TXLNB: variants seen among roughly 807,000 people sequenced by gnomAD.
TXLNB encodes taxilin beta.
A neutral mutation model predicts 57.4 loss-of-function variants in TXLNB; 37 were observed. That is an observed-to-expected ratio of 0.64 (90% CI 0.50 to 0.85). The LOEUF (loss-of-function observed/expected upper bound fraction) is 0.85, where lower values mean the gene tolerates loss of function less well. Among genes scored for constraint, TXLNB ranks in the 40% least tolerant of loss-of-function variants. TXLNB has a pLI of 0.00. For missense variants in TXLNB, 848 were observed against 825.6 expected (o/e 1.03, Z -0.33); for synonymous variants, 302 against 309.6 (o/e 0.98, Z 0.26).
At chr6:139,214,711 A>G in the TXLNB span, among the ~76,000 whole-genome samples, 36 of 152,332 alleles carry the variant, frequency 2.4e-4, no homozygotes, top group African/African-American at 8.2e-4. Context: ...AGATGACACG[A>G]TTGTATATCT....
rs776682700 is a variant in TXLNB, at chr6:139,288,804, C to G, written c.96G>C (p.Lys32Asn). 2 of 1,614,200 alleles carry G rather than the reference C, an allele frequency of 1.2e-6. No individual in the cohort carries two copies. The highest frequency in any genetic ancestry group is 4.5e-5 in the East Asian group (2 of 44,894). ...SSLPSHNGLEKEDGQDSPTPV... is the reference protein window; with the variant it reads ...SSLPSHNGLENEDGQDSPTPV... ...GGGTTGGAGAATCCTGGCCATCTTC[C>G]TTCTCCAGGCCATTGTGACTGGGTA... Residue 32 changes from lysine (K) to asparagine (N), a missense_variant, in exon 2 of 10, where the codon AAG (lysine) becomes AAC (asparagine). Transcript: ENST00000358430.
At chr6:139,312,279 G>C in the TXLNB span, among the ~76,000 whole-genome samples, 2 of 151,980 alleles carry the variant, frequency 1.3e-5, no homozygotes, top group African/African-American at 4.8e-5. Context: ...CATTAGACTT[G>C]AGGAAAGGTA....
chr6:139,232,362 G>T, the TXLNB span, among the ~76,000 whole-genome samples: 1 of 152,180 alleles, frequency 6.6e-6, no homozygotes, highest in African/African-American at 2.4e-5. Context: ...CAACACTGGG[G>T]ATTATGGGGA....
downstream of TXLNB, among the ~76,000 whole-genome samples, chr6:139,236,790 G>A (rs139569978): frequency 1.2e-4 from 19 of 152,240 alleles, no homozygotes; most frequent in Non-Finnish European, 2.1e-4. Flanking sequence ...TTTTTATAGA[G>A]ATGGGATTTT....
At chr6:139,319,370 G>A in the TXLNB span, among the ~76,000 whole-genome samples, 1 of 151,358 alleles carries the variant, frequency 6.6e-6, no homozygotes, top group East Asian at 1.9e-4. Flanking sequence ...CAAGTTCTGG[G>A]ATTATAGGTG....
In TXLNB at chr6:139,240,648, G is replaced by A. The variant is rs1449724771; in HGVS notation, c.*1878C>T. The A allele has an allele frequency of 2.6e-5, 4 of 152,620 alleles. No homozygotes were observed. The highest frequency in any genetic ancestry group is 9.6e-5 in the African/African-American group (4 of 41,458). 9.5% of individuals were successfully genotyped at this position (152,620 alleles called of 1,614,324 possible). A position where few individuals can be genotyped will look rare whatever the true frequency, so the allele number is the denominator to read the frequency against. Reference sequence around the variant, plus strand: ...ACTTGCAGTAATGTTGAATTTGGCTGGATACCCTGTGGTTATAATATTTTA... The same window carrying A: ...ACTTGCAGTAATGTTGAATTTGGCTAGATACCCTGTGGTTATAATATTTTA... On this transcript the variant is annotated 3_prime_UTR_variant, in exon 10 of 10. Coordinates refer to ENST00000358430, the MANE Select transcript of TXLNB (RefSeq NM_153235.4).
the TXLNB span, among the ~76,000 whole-genome samples, chr6:139,300,130 A>C: frequency 6.6e-6 from 1 of 152,186 alleles, no homozygotes; most frequent in Middle Eastern, 3.4e-3. Flanking sequence ...AGCAATTCTC[A>C]GGAAGGGTCT....
the TXLNB span, chr6:139,167,473 G>A: frequency 8.8e-6 from 6 of 679,274 alleles, no homozygotes; most frequent in Admixed American, 3.2e-5. Flanking sequence ...TTTCAGCTTC[G>A]CCCAGTGACG....
At chr6:139,166,526 G>T in the TXLNB span, 1 of 1,614,138 alleles carries the variant, frequency 6.2e-7, no homozygotes, top group Admixed American at 1.7e-5. Context: ...CTACGACCTG[G>T]CCTTCCGCTT....
intron 7 of TXLNB, among the ~76,000 whole-genome samples, chr6:139,253,101 A>G (rs1040647773): frequency 9.9e-5 from 15 of 152,212 alleles, no homozygotes; most frequent in Non-Finnish European, 4.4e-5. Context: ...TACACTAATT[A>G]ATAGTCAAGC....
the TXLNB span, among the ~76,000 whole-genome samples, chr6:139,214,159 G>C: frequency 6.6e-6 from 1 of 152,086 alleles, no homozygotes; most frequent in Non-Finnish European, 1.5e-5. Context: ...ACCAAAGCCT[G>C]GCAGAGACAC....
intron 5 of TXLNB, among the ~76,000 whole-genome samples, chr6:139,261,109 A>G (rs529799455): frequency 9.9e-4 from 151 of 152,306 alleles, no homozygotes; most frequent in Non-Finnish European, 2.2e-4. Flanking sequence ...ACTCTACCTC[A>G]GGATGGATAA....
At chr6:139,210,824 A>G in the TXLNB span, among the ~76,000 whole-genome samples, 5 of 152,248 alleles carry the variant, frequency 3.3e-5, no homozygotes, top group African/African-American at 1.2e-4. Flanking sequence ...ACGGCACACC[A>G]GGAGATTATA....
At chr6:139,275,101 G>C (rs891918277) in intron 3 of TXLNB, among the ~76,000 whole-genome samples, 26 of 152,154 alleles carry the variant, frequency 1.7e-4, no homozygotes, top group African/African-American at 6.3e-4. Flanking sequence ...AAACCAGAAA[G>C]CACTCATCTT....
the TXLNB span, among the ~76,000 whole-genome samples, chr6:139,181,653 C>G: frequency 6.6e-6 from 1 of 152,112 alleles, no homozygotes; most frequent in African/African-American, 2.4e-5. Context: ...TAAACTTTAT[C>G]ATAGGTATGA....
At chr6:139,187,631 CT>C in the TXLNB span, among the ~76,000 whole-genome samples, 3 of 152,128 alleles carry the variant, frequency 2.0e-5, no homozygotes, top group Non-Finnish European at 4.4e-5. Context: ...ACCTGAGTAA[CT>C]TTTGGTAAGT....
In TXLNB at chr6:139,242,399, A is replaced by T; in HGVS notation, c.*127T>A. 1 of 736,554 alleles carries T rather than the reference A, an allele frequency of 1.4e-6. No individual in the cohort carries two copies. Among genetic ancestry groups the T allele is most frequent in the Non-Finnish European group, 2.0e-6 (1 of 512,682 alleles). The allele number at this position is 736,554 out of a possible 1,614,324, so 45.6% of individuals were successfully genotyped here. ...GAATGAATGTGTTCTGCCTAACATT[A>T]AAAAATGTCTTGATCCTAAGTCTCT... On this transcript the variant is annotated 3_prime_UTR_variant, in exon 10 of 10. Transcript: ENST00000358430.
chr6:139,235,514 C>T (rs924839651), downstream of TXLNB, among the ~76,000 whole-genome samples: 1 of 152,120 alleles, frequency 6.6e-6, no homozygotes, highest in Non-Finnish European at 1.5e-5. Context: ...GGCTCTGTGT[C>T]CCCACCCAAA....
At chr6:139,276,964 A>G (rs763182573) in intron 2 of TXLNB, 43 bp from the exon 3 acceptor site, 2 of 1,484,084 alleles carry the variant, frequency 1.3e-6, no homozygotes, top group Non-Finnish European at 1.8e-6. Context: ...TTGAATTTAC[A>G]GTCAGGTGAT....
Sources: allele counts gnomAD v4.1 joint callset (sites outside exome capture counted in the v4.1 genomes callset), GRCh38; gene constraint gnomAD v4.1.1; transcripts MANE v1.5; gene names NCBI Gene and HGNC (gene_info 2026-07-23, HGNC 2026-07-21).